Variants in VPS13B observed in about 807,000 individuals in gnomAD.
VPS13B encodes vacuolar protein sorting 13 homolog B.
Under a neutral mutation model 426.4 loss-of-function variants are expected in VPS13B, and 285 were observed. That is an observed-to-expected ratio of 0.67 (90% CI 0.61 to 0.74). The LOEUF (loss-of-function observed/expected upper bound fraction) is 0.74, where lower values mean the gene tolerates loss of function less well. Among genes scored for constraint, VPS13B ranks in the 30% least tolerant of loss-of-function variants. The pLI, the probability that VPS13B is intolerant of heterozygous loss-of-function variation, is 0.00. For missense variants in VPS13B, 4,537 were observed against 4,782.6 expected (o/e 0.95, Z 1.51); for synonymous variants, 1,676 against 1,676.4 (o/e 1.00, Z 0.01).
chr8:99,055,256 C>G lies in VPS13B; in HGVS notation c.291+16690C>G, dbSNP rs562878792. Among the ~76,000 whole-genome samples, 13 of 152,202 alleles carry G rather than the reference C, an allele frequency of 8.5e-5. No individual in the cohort carries two copies. In the South Asian group the frequency reaches 1.0e-3, roughly 12 times the overall value. ...GTTGTGCCATGTCGCCTAGGCTGAT[C>G]TCGAATTCCTGAGCTTAAAGCAATC... On this transcript the variant is annotated intron_variant, in intron 3 of 61. Transcript: ENST00000357162.
chr8:99,085,673 T>C (rs993539039), intron 3 of VPS13B, among the ~76,000 whole-genome samples: 1 of 152,206 alleles, frequency 6.6e-6, no homozygotes, highest in African/African-American at 2.4e-5. Flanking sequence ...CAGCATTTGC[T>C]TGTCTGTAAA....
At chr8:99,704,477 T>A (rs1832416388) in intron 36 of VPS13B, among the ~76,000 whole-genome samples, 1 of 152,266 alleles carries the variant, frequency 6.6e-6, no homozygotes, top group Admixed American at 6.5e-5. Context: ...AATAAAATAG[T>A]AAATTAGATA....
At position 99,070,503 on chromosome 8, in the gene VPS13B, G is replaced by T. The variant is rs1396505772; in HGVS notation, c.292-25809G>T. Among the ~76,000 whole-genome samples, 4 of 152,148 alleles carry T rather than the reference G, an allele frequency of 2.6e-5. No homozygotes were observed. In the East Asian group the frequency reaches 7.7e-4, roughly 29 times the overall value. Reference sequence around the variant, plus strand: ...TGAGATTAAGTATTTGACTGCTTATGGCTGCCATGAAAGTAATGCTTGTTG... The same window carrying T: ...TGAGATTAAGTATTTGACTGCTTATTGCTGCCATGAAAGTAATGCTTGTTG... On this transcript the variant is annotated intron_variant, in intron 3 of 61. Coordinates refer to ENST00000357162, the MANE Select transcript of VPS13B (RefSeq NM_152564.5).
At chr8:99,845,453 C>T (rs981971013) in intron 54 of VPS13B, among the ~76,000 whole-genome samples, 1 of 152,204 alleles carries the variant, frequency 6.6e-6, no homozygotes, top group Admixed American at 6.5e-5. Flanking sequence ...TGGGATCACT[C>T]GTGCATCTGC....
At chr8:99,741,719 T>C (rs1046132992) in intron 39 of VPS13B, among the ~76,000 whole-genome samples, 2 of 152,208 alleles carry the variant, frequency 1.3e-5, no homozygotes, top group Admixed American at 1.3e-4. Context: ...TGCTCCTGAA[T>C]GACTACTGGG....
At chr8:99,789,284 G>T (rs922463238) in intron 43 of VPS13B, among the ~76,000 whole-genome samples, 3 of 152,054 alleles carry the variant, frequency 2.0e-5, no homozygotes, top group African/African-American at 7.2e-5. Context: ...TATATATTTA[G>T]AGAAAGAGCA....
At chr8:99,691,197 G>A (rs543991815) in intron 35 of VPS13B, among the ~76,000 whole-genome samples, 2 of 152,032 alleles carry the variant, frequency 1.3e-5, no homozygotes, top group African/African-American at 4.8e-5. Flanking sequence ...TGGTTTCTTG[G>A]GGCTGGAGGG....
intron 35 of VPS13B, among the ~76,000 whole-genome samples, chr8:99,669,441 A>G (rs995241011): frequency 9.9e-5 from 15 of 152,144 alleles, no homozygotes; most frequent in Admixed American, 3.9e-4. Context: ...TGACATTTAA[A>G]TGACAACAAA....
At chr8:99,104,301 A>C (rs1019459366) in intron 5 of VPS13B, among the ~76,000 whole-genome samples, 2 of 152,226 alleles carry the variant, frequency 1.3e-5, no homozygotes, top group African/African-American at 4.8e-5. Flanking sequence ...CAGCCATCAT[A>C]GATATATAGT....
At chr8:99,470,720 G>GT (rs1819356428) in intron 24 of VPS13B, among the ~76,000 whole-genome samples, 1 of 140,076 alleles carries the variant, frequency 7.1e-6, no homozygotes, top group South Asian at 2.2e-4. Context: ...GATTGGGATA[G>GT]AAAAAAAAAA....
chr8:99,594,286 C>A (rs748608969), intron 33 of VPS13B, among the ~76,000 whole-genome samples: 7 of 151,488 alleles, frequency 4.6e-5, no homozygotes, highest in Non-Finnish European at 8.8e-5. Flanking sequence ...TTCTGTGTGG[C>A]CTTGGACATG....
rs540326195 is a variant in VPS13B at position 99,663,250 on chromosome 8, G to T, written c.6046+1759G>T. ...GAAAGCCAGTCATGGATTAAACAGA[G>T]ACTGAAACCATCTCCACTGACTTTG... On this transcript the variant is annotated intron_variant, in intron 35 of 61. Coordinates refer to ENST00000357162, the MANE Select transcript of VPS13B (RefSeq NM_152564.5). 2.0e-5 allele frequency among the ~76,000 whole-genome samples: 3 copies of T among 152,294 alleles called. No homozygotes were observed. The South Asian group carries it at 6.2e-4, about 32-fold the overall frequency.
chr8:99,737,745 T>A (rs1833904292), intron 39 of VPS13B, among the ~76,000 whole-genome samples: 1 of 152,224 alleles, frequency 6.6e-6, no homozygotes, highest in African/African-American at 2.4e-5. Flanking sequence ...TTCACTGCTT[T>A]ATCAGCCACA....
chr8:99,046,397 C>T (rs1347569695), intron 3 of VPS13B, among the ~76,000 whole-genome samples: 1 of 151,936 alleles, frequency 6.6e-6, no homozygotes, highest in East Asian at 1.9e-4. Flanking sequence ...AATTTTGTAT[C>T]CATAAACTTT....
intron 21 of VPS13B, among the ~76,000 whole-genome samples, chr8:99,423,073 C>T (rs1479637397): frequency 6.6e-6 from 1 of 152,066 alleles, no homozygotes. Flanking sequence ...TTTTGATGGA[C>T]AGATAAATTG....
chr8:99,341,786 AC>A, intron 19 of VPS13B: 2 of 346,106 alleles, frequency 5.8e-6, no homozygotes, highest in Non-Finnish European at 5.9e-6. Context: ...CAGGCGTCCC[AC>A]CAGAGCCCAC....
rs1334951450 is a variant in VPS13B, at chr8:99,859,314, T to C, written c.10878T>C (p.Val3626=). Residue 3626 remains valine, a synonymous_variant, in exon 57 of 62, where the codon GTT becomes GTC. Coordinates refer to ENST00000357162, the MANE Select transcript of VPS13B (RefSeq NM_152564.5). ...TCTTGTGCGTTGCAGGCTGGGTAGT[T>C]GGGTCTCTGGATATTCTTGGCAGCC... ...AGALFRAGWV[V]GSLDILGSPA... 28 of 1,613,676 alleles carry C rather than the reference T, an allele frequency of 1.7e-5. No homozygotes were observed. The highest frequency in any genetic ancestry group is 3.5e-4 in the Middle Eastern group (2 of 5,796).
intron 17 of VPS13B, among the ~76,000 whole-genome samples, chr8:99,258,066 G>A (rs1325395619): frequency 6.6e-6 from 1 of 150,766 alleles, no homozygotes; most frequent in Admixed American, 6.6e-5. Flanking sequence ...GTTCATATAT[G>A]TGGATAATGC....
intron 40 of VPS13B, among the ~76,000 whole-genome samples, chr8:99,767,296 A>G (rs1419371106): frequency 2.0e-5 from 3 of 152,078 alleles, no homozygotes; most frequent in Non-Finnish European, 4.4e-5. Flanking sequence ...GCATACAGTC[A>G]TACACACACC....
Sources: allele counts gnomAD v4.1 joint callset (sites outside exome capture counted in the v4.1 genomes callset), GRCh38; gene constraint gnomAD v4.1.1; transcripts MANE v1.5; gene names NCBI Gene and HGNC (gene_info 2026-07-23, HGNC 2026-07-21).